SPRY3: variants seen among roughly 807,000 people sequenced by gnomAD.
SPRY3 encodes the protein protein sprouty homolog 3.
SPRY3 carries 15 observed loss-of-function variants against 20.2 expected under a neutral mutation model. The observed-to-expected ratio is 0.74, with a 90% CI of 0.50 to 1.14. The LOEUF is 1.14. SPRY3 is among the 50% of genes most tolerant of loss of function. SPRY3 has a pLI of 0.00. For missense variants in SPRY3, 364 were observed against 363.9 expected (o/e 1.00, Z 0.00); for synonymous variants, 143 against 136.5 (o/e 1.05, Z -0.33).
chrX:155,741,023 G>A (rs1249939093), intron 2 of SPRY3, among the ~76,000 whole-genome samples: 1 of 152,120 alleles, frequency 6.6e-6, no homozygotes, highest in Non-Finnish European at 1.5e-5. Flanking sequence ...AATATTGGGG[G>A]TGGGTTTCCC....
chrX:155,719,643 C>A (rs2091043439), intron 2 of SPRY3, among the ~76,000 whole-genome samples: 3 of 151,946 alleles, frequency 2.0e-5, no homozygotes, highest in Non-Finnish European at 4.4e-5. Flanking sequence ...TCAGCCACAG[C>A]AGGATAGGGC....
chrX:155,690,326 G>A lies in SPRY3; in HGVS notation c.-282+33301G>A, dbSNP rs1008133675. Among the ~76,000 whole-genome samples the A allele has an allele frequency of 2.7e-4, 24 of 88,333 alleles. 3 individuals carry two copies. The highest frequency in any genetic ancestry group is 5.1e-4 in the Non-Finnish European group (24 of 47,013). 76.7% of individuals were successfully genotyped at this position (88,333 alleles called of 115,157 possible). A position where few individuals can be genotyped will look rare whatever the true frequency, so the allele number is the denominator to read the frequency against. On this transcript the variant is annotated intron_variant, in intron 2 of 3. Coordinates refer to ENST00000675360, the Ensembl canonical transcript of SPRY3. ...TGGGTAGAGAGTTGATGTCTGTCAC[G>A]TTAATTACACATATCAGTAACAACC... is the stretch of plus-strand genomic sequence containing the variant.
At chrX:155,679,881 C>T (rs1016204964) in intron 2 of SPRY3, among the ~76,000 whole-genome samples, 4 of 110,146 alleles carry the variant, frequency 3.6e-5, no homozygotes, top group Non-Finnish European at 5.7e-5. Context: ...GGTAAGCAGA[C>T]GGTAGGCGAA....
At chrX:155,764,395 T>C (rs1317382502) in intron 2 of SPRY3, among the ~76,000 whole-genome samples, 1 of 152,210 alleles carries the variant, frequency 6.6e-6, no homozygotes, top group Non-Finnish European at 1.5e-5. Flanking sequence ...TTTTGTAATG[T>C]CTCAACATCA....
At chrX:155,654,301 T>G (rs917319216) in intron 1 of SPRY3, among the ~76,000 whole-genome samples, 4 of 112,199 alleles carry the variant, frequency 3.6e-5, no homozygotes, top group Admixed American at 9.5e-5. Flanking sequence ...ATTTGGTAAC[T>G]ATTTTCTGTT....
chrX:155,764,076 A>AAAT (rs1270416655), intron 2 of SPRY3, among the ~76,000 whole-genome samples: 1 of 152,144 alleles, frequency 6.6e-6, no homozygotes, highest in Non-Finnish European at 1.5e-5. Flanking sequence ...TGGCTTTCAG[A>AAAT]AATAGATGTG....
chrX:155,686,541 A>G (rs762013010), intron 2 of SPRY3, among the ~76,000 whole-genome samples: 4 of 111,790 alleles, frequency 3.6e-5, no homozygotes, highest in Non-Finnish European at 5.6e-5. Flanking sequence ...AGTTAGTATC[A>G]AATCCATGAA....
At chrX:155,763,307 A>G (rs2091311644) in intron 2 of SPRY3, among the ~76,000 whole-genome samples, 1 of 152,076 alleles carries the variant, frequency 6.6e-6, no homozygotes, top group East Asian at 1.9e-4. Flanking sequence ...CCAACTTCTC[A>G]GTATGCAATG....
chrX:155,750,490 T>C (rs2091257013), intron 2 of SPRY3, among the ~76,000 whole-genome samples: 1 of 151,548 alleles, frequency 6.6e-6, no homozygotes, highest in Non-Finnish European at 1.5e-5. Flanking sequence ...ATGAAATAAA[T>C]AGTGAGATAG....
intron 1 of SPRY3, among the ~76,000 whole-genome samples, chrX:155,642,629 C>G (rs1383778473): frequency 9.0e-6 from 1 of 111,378 alleles, no homozygotes; most frequent in Non-Finnish European, 1.9e-5. Flanking sequence ...AAACTTCCCA[C>G]TTAGGACTGC....
At chrX:155,774,239 C>T (rs1488821481) in exon 4 of SPRY3, 1 of 1,614,008 alleles carries the variant, frequency 6.2e-7, no homozygotes, top group South Asian at 1.1e-5. Flanking sequence ...GGGGTCCACC[C>T]AAAGGCTGAT....
intron 1 of SPRY3, among the ~76,000 whole-genome samples, chrX:155,636,768 G>T (rs782297785): frequency 9.1e-6 from 1 of 110,309 alleles, no homozygotes; most frequent in South Asian, 3.8e-4. Context: ...AATCAACATA[G>T]TTCAGAGGCA....
intron 2 of SPRY3, among the ~76,000 whole-genome samples, chrX:155,705,614 A>G (rs2090945071): frequency 6.6e-6 from 1 of 151,402 alleles, no homozygotes; most frequent in Admixed American, 6.6e-5. Context: ...GTTGTCTACA[A>G]GAAACTCACT....
intron 1 of SPRY3, among the ~76,000 whole-genome samples, chrX:155,654,686 GGTGTGTGTGTGTGTGTGTGTGTGT>G (rs3067500): frequency 1.2e-5 from 1 of 85,958 alleles, no homozygotes; most frequent in South Asian, 7.1e-4. Context: ...AGTATTCCAT[GGTGTGTGTGTGTGTGTGTGTGTGT>G]GTGTGTGTGT....
At chrX:155,729,987 C>A (rs1027567104) in intron 2 of SPRY3, among the ~76,000 whole-genome samples, 1 of 152,080 alleles carries the variant, frequency 6.6e-6, no homozygotes, top group Non-Finnish European at 1.5e-5. Flanking sequence ...CACATACAAC[C>A]TACTAAGATT....
intron 2 of SPRY3, among the ~76,000 whole-genome samples, chrX:155,724,201 T>C (rs2091082382): frequency 6.6e-6 from 1 of 152,194 alleles, no homozygotes; most frequent in Non-Finnish European, 1.5e-5. Context: ...TGCAGTACAG[T>C]TTGAAATCAG....
intron 1 of SPRY3, among the ~76,000 whole-genome samples, chrX:155,649,065 C>T (rs782331536): frequency 1.3e-3 from 150 of 111,553 alleles, no homozygotes; most frequent in African/African-American, 4.8e-3. Context: ...CAAGACTAAA[C>T]CAGGAAGAAG....
At chrX:155,668,926 G>C (rs982548568) in intron 2 of SPRY3, among the ~76,000 whole-genome samples, 37 of 111,007 alleles carry the variant, frequency 3.3e-4, no homozygotes, top group African/African-American at 1.2e-3. Context: ...ACTTACTGAA[G>C]ATTGTTCTTT....
intron 1 of SPRY3, among the ~76,000 whole-genome samples, chrX:155,626,687 A>C (rs2067889280): frequency 1.8e-5 from 2 of 112,112 alleles, no homozygotes; most frequent in African/African-American, 6.5e-5. Flanking sequence ...TAGCTCTTAC[A>C]TTTATATCTT....
Sources: allele counts gnomAD v4.1 joint callset (sites outside exome capture counted in the v4.1 genomes callset), GRCh38; gene constraint gnomAD v4.1.1; transcripts MANE v1.5; gene names NCBI Gene and HGNC (gene_info 2026-07-23, HGNC 2026-07-21).